C8orf34: variants seen among roughly 807,000 people sequenced by gnomAD.
C8orf34 encodes the protein uncharacterized protein C8orf34.
C8orf34 carries 65 observed loss-of-function variants against 68.3 expected under a neutral mutation model. The ratio of observed to expected loss-of-function variants is 0.95; its 90% confidence interval spans 0.78 to 1.17. The LOEUF is 1.17. C8orf34 is among the 50% of genes most tolerant of loss of function. C8orf34 has a pLI of 0.00. For missense variants in C8orf34, 664 were observed against 655.4 expected (o/e 1.01, Z -0.14); for synonymous variants, 244 against 241.2 (o/e 1.01, Z -0.11).
intron 5 of C8orf34, among the ~76,000 whole-genome samples, chr8:68,515,312 T>C (rs1814461771): frequency 6.6e-6 from 1 of 152,030 alleles, no homozygotes; most frequent in Admixed American, 6.6e-5. Context: ...CTCCCTTTTT[T>C]CCTTCTTTCT....
At chr8:68,800,461 AT>A (rs1824299385) in intron 12 of C8orf34, among the ~76,000 whole-genome samples, 1 of 152,182 alleles carries the variant, frequency 6.6e-6, no homozygotes, top group South Asian at 2.1e-4. Context: ...GAAACAAATA[AT>A]TTAAGAAGTG....
intron 8 of C8orf34, among the ~76,000 whole-genome samples, chr8:68,666,592 C>T (rs1303227864): frequency 6.6e-6 from 1 of 152,160 alleles, no homozygotes; most frequent in Non-Finnish European, 1.5e-5. Flanking sequence ...TTTTGGTAGC[C>T]ACACAACATA....
intron 1 of C8orf34, among the ~76,000 whole-genome samples, chr8:68,421,295 T>G (rs1809959365): frequency 6.6e-6 from 1 of 152,202 alleles, no homozygotes; most frequent in Admixed American, 6.5e-5. Context: ...AAAGAATAAC[T>G]ATGTGATGAA....
chr8:68,590,233 A>G (rs1196144545), intron 7 of C8orf34, among the ~76,000 whole-genome samples: 1 of 150,226 alleles, frequency 6.7e-6, no homozygotes, highest in African/African-American at 2.4e-5. Flanking sequence ...GAGGGAAACA[A>G]AAGGAGGGAG....
chr8:68,644,896 A>G (rs766990808), intron 8 of C8orf34, among the ~76,000 whole-genome samples: 4 of 152,174 alleles, frequency 2.6e-5, no homozygotes, highest in Admixed American at 6.5e-5. Context: ...GGGCATCTGT[A>G]TTTTGTGGGG....
intron 7 of C8orf34, among the ~76,000 whole-genome samples, chr8:68,620,578 A>G (rs1818358038): frequency 6.6e-6 from 1 of 152,074 alleles, no homozygotes; most frequent in Admixed American, 6.6e-5. Context: ...GATGCCACCT[A>G]GAGTGGCAAG....
intron 7 of C8orf34, among the ~76,000 whole-genome samples, chr8:68,541,275 C>A (rs1815690505): frequency 6.6e-6 from 1 of 151,894 alleles, no homozygotes; most frequent in African/African-American, 2.4e-5. Flanking sequence ...CCAGCCTGGG[C>A]AGCATAGAGA....
chr8:68,612,664 C>T (rs181031911), intron 7 of C8orf34, among the ~76,000 whole-genome samples: 54 of 152,148 alleles, frequency 3.5e-4, no homozygotes, highest in African/African-American at 1.2e-3. Flanking sequence ...TAATATGGCA[C>T]TAGGCATACA....
chr8:68,476,201 G>C (rs957568725), intron 4 of C8orf34, among the ~76,000 whole-genome samples: 9 of 152,194 alleles, frequency 5.9e-5, no homozygotes, highest in Non-Finnish European at 1.3e-4. Flanking sequence ...CTAACACGTG[G>C]AACTAGACTT....
At chr8:68,397,947 T>C (rs534648336) in intron 1 of C8orf34, among the ~76,000 whole-genome samples, 1 of 152,028 alleles carries the variant, frequency 6.6e-6, no homozygotes, top group African/African-American at 2.4e-5. Flanking sequence ...TTTTTTCTTT[T>C]CAGTAGAGAC....
intron 3 of C8orf34, among the ~76,000 whole-genome samples, chr8:68,466,752 T>TATATATATATATAC (rs1812161200): frequency 7.1e-6 from 1 of 141,390 alleles, no homozygotes; most frequent in African/African-American, 2.8e-5. Flanking sequence ...TATATATATA[T>TATATATATATATAC]ATATATATAT....
chr8:68,640,384 A>G lies in C8orf34; in HGVS notation c.1114A>G (p.Asn372Asp), dbSNP rs149372652. Residue 372 changes from asparagine (N) to aspartate (D), a missense_variant, in exon 8 of 14, where the codon AAT becomes GAT. By Grantham distance (23) the Asn-to-Asp change is conservative. Coordinates refer to ENST00000518698, the MANE Select transcript of C8orf34 (RefSeq NM_052958.4). ...DDAMELLEDL[N>D]DLRMEGVTTL... ...TGTTTGTGTTGTTACAGAGGATCTTAATGATTTAAGAATGGAGGGAGTAAC... is the reference window on the plus strand; with the variant it reads ...TGTTTGTGTTGTTACAGAGGATCTTGATGATTTAAGAATGGAGGGAGTAAC... 59 of 1,613,080 alleles carry G rather than the reference A, an allele frequency of 3.7e-5. No individual in the cohort carries two copies. The highest frequency in any genetic ancestry group is 8.9e-5 in the East Asian group (4 of 44,874).
chr8:68,619,519 A>G (rs1391005844), intron 7 of C8orf34, among the ~76,000 whole-genome samples: 3 of 152,096 alleles, frequency 2.0e-5, no homozygotes, highest in Non-Finnish European at 4.4e-5. Context: ...ATTTTTCTAA[A>G]TTTTGAATCA....
Position 68,695,170 on chromosome 8 carries a change from G to A in C8orf34, c.1242-13824G>A, listed in dbSNP as rs560083259. ...TTCCTTTTTTTTTTTTTTTGAGATG[G>A]AGTTTCTTTCTTGTTGCCCAAGCTG... On this transcript the variant is annotated intron_variant, in intron 8 of 13. Transcript: ENST00000518698. 1.3e-3 allele frequency among the ~76,000 whole-genome samples: 189 copies of A among 149,664 alleles called. 2 individuals carry two copies. Among genetic ancestry groups the A allele is most frequent in the African/African-American group, 4.5e-3 (183 of 40,600 alleles).
chr8:68,601,795 G>C (rs1225334335), intron 7 of C8orf34, among the ~76,000 whole-genome samples: 1 of 152,058 alleles, frequency 6.6e-6, no homozygotes, highest in Non-Finnish European at 1.5e-5. Flanking sequence ...TATGAAGACT[G>C]ATTTTCTATT....
intron 7 of C8orf34, among the ~76,000 whole-genome samples, chr8:68,557,141 G>C (rs747039138): frequency 1.2e-4 from 18 of 152,078 alleles, no homozygotes; most frequent in Non-Finnish European, 2.4e-4. Context: ...ATTGAGTATT[G>C]CTTCAGACTA....
At chr8:68,390,132 G>A (rs1479884404) in intron 1 of C8orf34, among the ~76,000 whole-genome samples, 2 of 151,978 alleles carry the variant, frequency 1.3e-5, no homozygotes, top group African/African-American at 4.8e-5. Flanking sequence ...GGGATGTTTT[G>A]CCATGGAAAG....
chr8:68,450,465 A>G (rs941567136), intron 3 of C8orf34, among the ~76,000 whole-genome samples: 2 of 152,160 alleles, frequency 1.3e-5, no homozygotes, highest in East Asian at 3.8e-4. Context: ...AGAGGAATCA[A>G]TATCTATGGC....
intron 7 of C8orf34, among the ~76,000 whole-genome samples, chr8:68,630,168 A>C (rs1242814186): frequency 6.6e-6 from 1 of 152,118 alleles, no homozygotes; most frequent in Non-Finnish European, 1.5e-5. Flanking sequence ...AATGAGTTAC[A>C]AATTGAAATA....
Sources: gnomAD v4.1 joint callset for allele counts (sites outside exome capture counted in the v4.1 genomes callset) on GRCh38, gnomAD v4.1.1 for gene constraint, MANE v1.5 for transcripts, NCBI Gene and HGNC (gene_info 2026-07-23, HGNC 2026-07-21) for gene names.